CNBD1: variants seen among roughly 807,000 people sequenced by gnomAD.
The protein encoded by CNBD1 is cyclic nucleotide-binding domain-containing protein 1.
Under a neutral mutation model 54.4 loss-of-function variants are expected in CNBD1, and 71 were observed. That is an observed-to-expected ratio of 1.30 (90% CI 1.08 to 1.59). The LOEUF is 1.59. Ranked by LOEUF, CNBD1 falls within the 40% of genes most tolerant of loss-of-function variation. CNBD1 has a pLI of 0.00. For synonymous variants in CNBD1, 182 were observed against 170.7 expected (o/e 1.07, Z -0.51); for missense variants, 659 against 518.0 (o/e 1.27, Z -2.64).
intron 1 of CNBD1, among the ~76,000 whole-genome samples, chr8:86,872,267 T>C (rs182091259): frequency 6.6e-6 from 1 of 152,360 alleles, no homozygotes; most frequent in Admixed American, 6.5e-5. Context: ...CTTCCTTTAT[T>C]TGTTCTTATC....
At chr8:87,142,674 G>A (rs1812394257) in intron 4 of CNBD1, among the ~76,000 whole-genome samples, 1 of 151,984 alleles carries the variant, frequency 6.6e-6, no homozygotes, top group African/African-American at 2.4e-5. Flanking sequence ...TAATTATACA[G>A]AATTAATCAG....
At chr8:87,362,577 G>A (rs1400156007) in intron 10 of CNBD1, among the ~76,000 whole-genome samples, 1 of 151,958 alleles carries the variant, frequency 6.6e-6, no homozygotes, top group Admixed American at 6.6e-5. Flanking sequence ...TTTGTGCCAA[G>A]CCAATAAAGT....
At chr8:87,258,949 T>C (rs1486047934) in intron 6 of CNBD1, among the ~76,000 whole-genome samples, 1 of 152,214 alleles carries the variant, frequency 6.6e-6, no homozygotes, top group African/African-American at 2.4e-5. Context: ...CTTTAGTTTA[T>C]TTAATTTAAA....
At chr8:86,955,711 A>G (rs951164573) in intron 4 of CNBD1, among the ~76,000 whole-genome samples, 1 of 151,812 alleles carries the variant, frequency 6.6e-6, no homozygotes, top group Non-Finnish European at 1.5e-5. Context: ...TCAAAGTTCT[A>G]TGTAGATTCT....
At chr8:87,057,862 C>A (rs989214622) in intron 4 of CNBD1, among the ~76,000 whole-genome samples, 6 of 151,914 alleles carry the variant, frequency 3.9e-5, no homozygotes, top group African/African-American at 7.3e-5. Context: ...AACAGATAAA[C>A]AAAGACACAC....
chr8:86,966,779 G>T (rs1240611239), intron 4 of CNBD1, among the ~76,000 whole-genome samples: 1 of 152,222 alleles, frequency 6.6e-6, no homozygotes, highest in African/African-American at 2.4e-5. Context: ...GACCGAAAGA[G>T]TGAGCAGCAG....
intron 8 of CNBD1, among the ~76,000 whole-genome samples, chr8:87,339,493 CTTTT>C (rs1317624487): frequency 6.6e-6 from 1 of 152,068 alleles, no homozygotes; most frequent in Non-Finnish European, 1.5e-5. Context: ...TGTGACCTCA[CTTTT>C]TTTAAGGATG....
intron 2 of CNBD1, among the ~76,000 whole-genome samples, chr8:86,896,527 T>C (rs1808850659): frequency 6.6e-6 from 1 of 152,156 alleles, no homozygotes; most frequent in Non-Finnish European, 1.5e-5. Flanking sequence ...ACCTTCTTGG[T>C]TTAATTTATT....
chr8:87,333,671 TTA>T (rs1434334920), intron 8 of CNBD1, among the ~76,000 whole-genome samples: 2 of 152,122 alleles, frequency 1.3e-5, no homozygotes, highest in Non-Finnish European at 2.9e-5. Flanking sequence ...ATGTGATGGA[TTA>T]TGTTTATTGA....
In CNBD1 at chr8:87,285,845, G is replaced by A. The variant is rs995439440; in HGVS notation, c.910-694G>A. 3.3e-5 allele frequency among the ~76,000 whole-genome samples: 5 copies of A among 152,144 alleles called. No individual in the cohort carries two copies. The South Asian group carries it at 1.0e-3, about 32-fold the overall frequency. Reference sequence around the variant, plus strand: ...AGATCGCACCATTGCACTCCAGCCTGGGCAACAAGAGTGAAACTCCGTCTC... The same window carrying A: ...AGATCGCACCATTGCACTCCAGCCTAGGCAACAAGAGTGAAACTCCGTCTC... On this transcript the variant is annotated intron_variant, in intron 7 of 10. Transcript: ENST00000518476.
intron 2 of CNBD1, among the ~76,000 whole-genome samples, chr8:87,421,554 C>T (rs1489858010): frequency 6.6e-6 from 1 of 151,610 alleles, no homozygotes; most frequent in Non-Finnish European, 1.5e-5. Context: ...CGATAGTTTA[C>T]TGAGAATGAT....
At chr8:87,226,843 TAA>T (rs1586344841) in intron 5 of CNBD1, among the ~76,000 whole-genome samples, 1 of 151,482 alleles carries the variant, frequency 6.6e-6, no homozygotes, top group East Asian at 1.9e-4. Flanking sequence ...AGTGGGGTGT[TAA>T]AGTCTCCCAT....
At chr8:86,937,572 G>T (rs1248453519) in intron 3 of CNBD1, among the ~76,000 whole-genome samples, 1 of 152,116 alleles carries the variant, frequency 6.6e-6, no homozygotes, top group Non-Finnish European at 1.5e-5. Context: ...CTCAATTTTT[G>T]ACTTCTGTGC....
intron 6 of CNBD1, among the ~76,000 whole-genome samples, chr8:87,263,542 G>C (rs1338128469): frequency 1.3e-5 from 2 of 148,828 alleles, no homozygotes; most frequent in Non-Finnish European, 2.9e-5. Flanking sequence ...AATTAGGTAA[G>C]TAATTGTTTT....
chr8:86,920,879 T>G lies in CNBD1; in HGVS notation c.272+15685T>G, dbSNP rs538749191. On this transcript the variant is annotated intron_variant, in intron 3 of 10. Coordinates refer to ENST00000518476, the MANE Select transcript of CNBD1 (RefSeq NM_173538.3). ...ATGATGAAGGGCTTCTCTGTAATAC[T>G]CATTTTTTTTTCCCAAACACATTTT... Among the ~76,000 whole-genome samples, 4 of 116,046 alleles carry G rather than the reference T, an allele frequency of 3.4e-5. No individual in the cohort carries two copies. In the South Asian group the frequency reaches 1.3e-3, roughly 39 times the overall value. The allele number at this position is 116,046 out of a possible 152,430, so 76.1% of individuals were successfully genotyped here. A position where few individuals can be genotyped will look rare whatever the true frequency, so the allele number is the denominator to read the frequency against.
chr8:87,215,443 C>G (rs1171263972), intron 5 of CNBD1, among the ~76,000 whole-genome samples: 3 of 151,988 alleles, frequency 2.0e-5, no homozygotes, highest in African/African-American at 7.3e-5. Flanking sequence ...AAAAAATTAG[C>G]TGGGCATGGT....
chr8:86,972,459 G>T (rs1808246103), intron 4 of CNBD1, among the ~76,000 whole-genome samples: 1 of 152,126 alleles, frequency 6.6e-6, no homozygotes, highest in Admixed American at 6.5e-5. Context: ...CAACTTTGTA[G>T]ATATAACATC....
chr8:87,050,614 G>T (rs913649684), intron 4 of CNBD1, among the ~76,000 whole-genome samples: 1 of 152,198 alleles, frequency 6.6e-6, no homozygotes, highest in Non-Finnish European at 1.5e-5. Context: ...TTGAGAGTCA[G>T]GGTGCAACTA....
intron 4 of CNBD1, among the ~76,000 whole-genome samples, chr8:87,040,598 G>C (rs1441583097): frequency 6.6e-6 from 1 of 151,082 alleles, no homozygotes; most frequent in Non-Finnish European, 1.5e-5. Flanking sequence ...TAATTTTTTT[G>C]TATTTTTAGT....
Sources: gnomAD v4.1 joint callset for allele counts (sites outside exome capture counted in the v4.1 genomes callset) on GRCh38, gnomAD v4.1.1 for gene constraint, MANE v1.5 for transcripts, NCBI Gene and HGNC (gene_info 2026-07-23, HGNC 2026-07-21) for gene names.